The following L3MBTL4 variants were observed in gnomAD, a reference collection of about 807,000 sequenced individuals.
L3MBTL4 encodes the protein lethal(3)malignant brain tumor-like protein 4.
A neutral mutation model predicts 84.5 loss-of-function variants in L3MBTL4; 70 were observed. The observed-to-expected ratio is 0.83, with a 90% CI of 0.68 to 1.01. The LOEUF is 1.01. Ranked by LOEUF, L3MBTL4 falls within the 50% of genes least tolerant of loss-of-function variation. The probability of loss-of-function intolerance (pLI) is 0.00; values close to 1 mark genes in which losing one functional copy is unlikely to be tolerated. For synonymous variants in L3MBTL4, 274 were observed against 259.8 expected (o/e 1.05, Z -0.52); for missense variants, 715 against 754.8 (o/e 0.95, Z 0.62).
intron 13 of L3MBTL4, among the ~76,000 whole-genome samples, chr18:6,171,151 A>G (rs73381996): frequency 0.097 from 14,769 of 152,282 alleles, 857 homozygotes; most frequent in Non-Finnish European, 0.13. Context: ...TAAGAAACCA[A>G]TGGGAGGGAA....
chr18:6,004,062 TAA>T (rs752001450), intron 16 of L3MBTL4, among the ~76,000 whole-genome samples: 1 of 150,514 alleles, frequency 6.6e-6, no homozygotes, highest in Non-Finnish European at 1.5e-5. Context: ...AGGAGAAAAA[TAA>T]AAGAGAAAAT....
At chr18:6,101,011 G>A (rs566240085) in intron 14 of L3MBTL4, among the ~76,000 whole-genome samples, 5 of 151,824 alleles carry the variant, frequency 3.3e-5, no homozygotes, top group Non-Finnish European at 5.9e-5. Context: ...ATGAGTTGGG[G>A]CCCCTTGTTC....
chr18:6,165,622 G>A (rs2145097736), intron 13 of L3MBTL4, among the ~76,000 whole-genome samples: 1 of 152,162 alleles, frequency 6.6e-6, no homozygotes, highest in East Asian at 1.9e-4. Flanking sequence ...TTACAGACAA[G>A]CAAACACTGA....
intron 14 of L3MBTL4, among the ~76,000 whole-genome samples, chr18:6,107,361 C>A (rs7234545): frequency 0.35 from 52,907 of 151,968 alleles, 13,460 homozygotes; most frequent in African/African-American, 0.72. Context: ...CAACTGATCA[C>A]AGATTCAGTT....
chr18:6,180,607 T>C (rs796639309), intron 12 of L3MBTL4, among the ~76,000 whole-genome samples: 17 of 152,366 alleles, frequency 1.1e-4, no homozygotes, highest in African/African-American at 3.8e-4. Context: ...GGAAAATTAA[T>C]AGTTTTCACT....
chr18:6,032,886 G>C (rs921438800), intron 16 of L3MBTL4, among the ~76,000 whole-genome samples: 2 of 152,088 alleles, frequency 1.3e-5, no homozygotes, highest in African/African-American at 4.8e-5. Flanking sequence ...TCCTTTGTTA[G>C]GCTGAATAAT....
At chr18:5,964,495 G>T (rs1408674123) in intron 17 of L3MBTL4, among the ~76,000 whole-genome samples, 1 of 151,914 alleles carries the variant, frequency 6.6e-6, no homozygotes, top group Non-Finnish European at 1.5e-5. Flanking sequence ...TTCTTTAACA[G>T]CAGAGTTTAT....
At chr18:6,186,595 G>T (rs1463002841) in intron 12 of L3MBTL4, among the ~76,000 whole-genome samples, 1 of 152,214 alleles carries the variant, frequency 6.6e-6, no homozygotes, top group South Asian at 2.1e-4. Flanking sequence ...GAGGAGAACC[G>T]CAAGGCAACT....
chr18:6,259,013 G>C (rs746453527), intron 5 of L3MBTL4: 1 of 152,310 alleles, frequency 6.6e-6, no homozygotes, highest in Non-Finnish European at 1.5e-5. Flanking sequence ...GGCTAGGCCT[G>C]CCTGCACCCA....
chr18:6,351,603 G>C (rs1230285635), intron 1 of L3MBTL4, among the ~76,000 whole-genome samples: 7 of 151,980 alleles, frequency 4.6e-5, no homozygotes, highest in Admixed American at 2.6e-4. Context: ...CCAGGCTGGA[G>C]TGCAGTGGCG....
chr18:5,970,723 A>G (rs964755635), intron 16 of L3MBTL4, among the ~76,000 whole-genome samples: 5 of 152,266 alleles, frequency 3.3e-5, no homozygotes, highest in African/African-American at 4.8e-5. Flanking sequence ...TTTAAGGTCT[A>G]TTATGATGGT....
intron 4 of L3MBTL4, among the ~76,000 whole-genome samples, chr18:6,276,970 A>G (rs184877848): frequency 6.6e-6 from 1 of 152,274 alleles, no homozygotes; most frequent in Admixed American, 6.5e-5. Context: ...GAGTAAAATA[A>G]CAAAATTTTC....
chr18:6,125,972 G>A (rs1245008480), intron 14 of L3MBTL4, among the ~76,000 whole-genome samples: 1 of 152,166 alleles, frequency 6.6e-6, no homozygotes, highest in African/African-American at 2.4e-5. Context: ...AAAATAATAT[G>A]TGGACCAATC....
chr18:6,070,154 T>C (rs1598631040), intron 16 of L3MBTL4, among the ~76,000 whole-genome samples: 1 of 152,136 alleles, frequency 6.6e-6, no homozygotes, highest in African/African-American at 2.4e-5. Context: ...GAGGAGATAA[T>C]GGTCAAATTT....
chr18:6,343,507 C>A (rs1231404236), intron 1 of L3MBTL4, among the ~76,000 whole-genome samples: 2 of 151,202 alleles, frequency 1.3e-5, no homozygotes, highest in African/African-American at 2.4e-5. Flanking sequence ...ACTAAAAATA[C>A]AAAAAAAATT....
At chr18:6,305,227 A>G (rs1387829748) in intron 3 of L3MBTL4, among the ~76,000 whole-genome samples, 1 of 152,250 alleles carries the variant, frequency 6.6e-6, no homozygotes, top group Non-Finnish European at 1.5e-5. Flanking sequence ...AGAGCAGGGA[A>G]AATGCTGAAT....
intron 1 of L3MBTL4, among the ~76,000 whole-genome samples, chr18:6,320,636 A>G (rs190443723): frequency 6.6e-6 from 1 of 152,198 alleles, no homozygotes; most frequent in Non-Finnish European, 1.5e-5. Context: ...ATGAATTGGA[A>G]GGATCAATAT....
At chr18:5,999,866 T>C (rs9807191) in intron 16 of L3MBTL4, among the ~76,000 whole-genome samples, 1 of 152,144 alleles carries the variant, frequency 6.6e-6, no homozygotes, top group Non-Finnish European at 1.5e-5. Flanking sequence ...AGGGTTGGTA[T>C]AAAAGAAGCC....
intron 10 of L3MBTL4, among the ~76,000 whole-genome samples, chr18:6,217,821 T>C (rs1726476083): frequency 6.6e-6 from 1 of 152,338 alleles, no homozygotes; most frequent in African/African-American, 2.4e-5. Flanking sequence ...CTAAAAATTA[T>C]ATTGCCACCC....
Sources: allele counts gnomAD v4.1 joint callset (sites outside exome capture counted in the v4.1 genomes callset), GRCh38; gene constraint gnomAD v4.1.1; transcripts MANE v1.5; gene names NCBI Gene and HGNC (gene_info 2026-07-23, HGNC 2026-07-21).